ZMYM2: variants seen among roughly 807,000 people sequenced by gnomAD.
The protein encoded by ZMYM2 is zinc finger MYM-type containing 2.
In ZMYM2, 56 loss-of-function variants were observed where a neutral mutation model predicts 162.8. The observed-to-expected ratio is 0.34, with a 90% CI of 0.28 to 0.43. The LOEUF (loss-of-function observed/expected upper bound fraction) is 0.43, where lower values mean the gene tolerates loss of function less well. Ranked by LOEUF, ZMYM2 falls within the 20% of genes least tolerant of loss-of-function variation. ZMYM2 has a pLI of 1.00. For synonymous variants in ZMYM2, 510 were observed against 541.6 expected, an observed-to-expected ratio of 0.94 and a Z score of 0.81; for missense variants, 1,275 against 1,621.8, an observed-to-expected ratio of 0.79 and a Z score of 3.67.
the ZMYM2 span, among the ~76,000 whole-genome samples, chr13:19,909,084 G>T: frequency 6.6e-6 from 1 of 152,062 alleles, no homozygotes; most frequent in East Asian, 1.9e-4. Flanking sequence ...TTTAACGTTC[G>T]TTTTTAATAT....
At chr13:19,870,233 G>C in the ZMYM2 span, among the ~76,000 whole-genome samples, 1 of 152,080 alleles carries the variant, frequency 6.6e-6, no homozygotes, top group African/African-American at 2.4e-5. Flanking sequence ...ACAGCTCACT[G>C]CAACTTCCGC....
chr13:19,906,284 G>GTACATATA, the ZMYM2 span, among the ~76,000 whole-genome samples: 2 of 63,792 alleles, frequency 3.1e-5, no homozygotes, highest in Non-Finnish European at 2.8e-5. Flanking sequence ...TCAAAAAAAA[G>GTACATATA]TATATATATA....
chr13:19,958,499 A>T (rs1329381152), upstream of ZMYM2, among the ~76,000 whole-genome samples: 2 of 151,500 alleles, frequency 1.3e-5, no homozygotes, highest in Admixed American at 6.6e-5. Context: ...GGACCCGGCC[A>T]GGAGTCGAGG....
intron 2 of ZMYM2, chr13:19,965,139 GCA>G: frequency 1.4e-6 from 1 of 720,022 alleles, no homozygotes; most frequent in East Asian, 7.4e-5. Context: ...ACATTGGGAT[GCA>G]CAGTTAGAAG....
chr13:19,870,329 TA>T, the ZMYM2 span, among the ~76,000 whole-genome samples: 2 of 152,028 alleles, frequency 1.3e-5, no homozygotes, highest in Admixed American at 1.3e-4. Flanking sequence ...CTAATTTTTG[TA>T]TTTTTTGTAG....
the ZMYM2 span, among the ~76,000 whole-genome samples, chr13:19,873,393 T>TTAA: frequency 6.7e-6 from 1 of 148,520 alleles, no homozygotes; most frequent in Non-Finnish European, 1.5e-5. Context: ...TATTTATTTA[T>TTAA]TTATTTATTT....
chr13:19,946,999 CTTTGA>C, the ZMYM2 span, among the ~76,000 whole-genome samples: 12 of 152,108 alleles, frequency 7.9e-5, no homozygotes, highest in African/African-American at 2.9e-4. Context: ...GGATCCTTAG[CTTTGA>C]TTTGTTATCA....
chr13:19,970,064 T>G, intron 2 of ZMYM2: 2 of 985,382 alleles, frequency 2.0e-6, no homozygotes, highest in Non-Finnish European at 2.4e-6. Flanking sequence ...TGAAGTCACG[T>G]AAAGAAGGTA....
intron 2 of ZMYM2, among the ~76,000 whole-genome samples, chr13:19,975,774 A>C (rs1227369434): frequency 1.3e-5 from 2 of 152,100 alleles, no homozygotes; most frequent in Non-Finnish European, 2.9e-5. Context: ...ACCATTTTAC[A>C]TTTTTACCAG....
chr13:19,984,414 G>A (rs1948974157), intron 2 of ZMYM2, among the ~76,000 whole-genome samples: 1 of 152,170 alleles, frequency 6.6e-6, no homozygotes, highest in South Asian at 2.1e-4. Flanking sequence ...CCAGTTGTCT[G>A]GTAATTGTTT....
chr13:19,980,612 GC>G (rs1035963389), intron 2 of ZMYM2, among the ~76,000 whole-genome samples: 3 of 151,798 alleles, frequency 2.0e-5, no homozygotes, highest in Admixed American at 2.0e-4. Flanking sequence ...AGTTAGCTGG[GC>G]ATGGTGGCAG....
At chr13:19,951,920 G>A in the ZMYM2 span, among the ~76,000 whole-genome samples, 1 of 152,088 alleles carries the variant, frequency 6.6e-6, no homozygotes, top group Non-Finnish European at 1.5e-5. Context: ...AGTTCCTTCA[G>A]GTGGTGCCTA....
intron 12 of ZMYM2, among the ~76,000 whole-genome samples, chr13:20,051,035 G>C (rs1033442523): frequency 5.3e-5 from 8 of 151,884 alleles, no homozygotes; most frequent in Non-Finnish European, 5.9e-5. Context: ...CCTTTGTCTT[G>C]TACAACTAAC....
At chr13:19,881,494 C>T in the ZMYM2 span, among the ~76,000 whole-genome samples, 4 of 151,494 alleles carry the variant, frequency 2.6e-5, no homozygotes, top group Non-Finnish European at 2.9e-5. Context: ...TGGTGGCATG[C>T]GCCTGTAATC....
intron 12 of ZMYM2, among the ~76,000 whole-genome samples, chr13:20,043,965 C>T (rs1954524406): frequency 6.6e-6 from 1 of 152,050 alleles, no homozygotes; most frequent in South Asian, 2.1e-4. Context: ...GCTTCTAGGA[C>T]ACTCGAGGCT....
chr13:20,019,114 AAC>A (rs1475548262), intron 6 of ZMYM2, among the ~76,000 whole-genome samples: 12 of 152,056 alleles, frequency 7.9e-5, no homozygotes, highest in Non-Finnish European at 1.3e-4. Flanking sequence ...AACAAAAAAA[AAC>A]AATTTCTCAA....
chr13:20,085,413 G>A lies in ZMYM2; in HGVS notation c.3942-409G>A, dbSNP rs375979867. On this transcript the variant is annotated intron_variant, in intron 24 of 24. Coordinates refer to ENST00000610343, the MANE Select transcript of ZMYM2 (RefSeq NM_197968.4). ...TTAAAAATTGAGTTTCTATTATGTAGTGCTGTAAGAATTTTTTAATTTTAT... is the reference window on the plus strand; with the variant it reads ...TTAAAAATTGAGTTTCTATTATGTAATGCTGTAAGAATTTTTTAATTTTAT... 1.1e-3 allele frequency among the ~76,000 whole-genome samples: 173 copies of A among 152,186 alleles called. 1 individual carries two copies. The Middle Eastern group carries it at 0.017, about 15-fold the overall frequency.
chr13:19,925,699 C>T, the ZMYM2 span, among the ~76,000 whole-genome samples: 1 of 151,246 alleles, frequency 6.6e-6, no homozygotes, highest in South Asian at 2.1e-4. Context: ...GTGGTGAAAC[C>T]CCATCTACAC....
intron 2 of ZMYM2, among the ~76,000 whole-genome samples, chr13:19,990,520 C>T (rs187376040): frequency 1.1e-4 from 16 of 152,280 alleles, no homozygotes; most frequent in African/African-American, 3.9e-4. Context: ...AAGAGATGTT[C>T]TCTGATCACC....
Sources: gnomAD v4.1 joint callset for allele counts (sites outside exome capture counted in the v4.1 genomes callset) on GRCh38, gnomAD v4.1.1 for gene constraint, MANE v1.5 for transcripts, NCBI Gene and HGNC (gene_info 2026-07-23, HGNC 2026-07-21) for gene names.